The following PPM1D variants were observed in gnomAD, a reference collection of about 807,000 sequenced individuals.
PPM1D encodes the protein protein phosphatase, Mg2+/Mn2+ dependent 1D, also known as protein phosphatase 1D.
In PPM1D, 52 loss-of-function variants were observed where a neutral mutation model predicts 58.3. The observed-to-expected ratio is 0.89, with a 90% CI of 0.71 to 1.12. The LOEUF is 1.12. Among genes scored for constraint, PPM1D ranks in the 50% most tolerant of loss-of-function variants. The probability of loss-of-function intolerance (pLI) is 0.00; values close to 1 mark genes in which losing one functional copy is unlikely to be tolerated. For synonymous variants in PPM1D, 278 were observed against 285.1 expected, an observed-to-expected ratio of 0.98 and a Z score of 0.25; for missense variants, 564 against 777.2, an observed-to-expected ratio of 0.73 and a Z score of 3.26.
chr17:60,653,785 T>G (rs34384451), intron 4 of PPM1D, among the ~76,000 whole-genome samples: 55 of 152,346 alleles, frequency 3.6e-4, no homozygotes, highest in Middle Eastern at 6.8e-3. Context: ...TTATAATTTG[T>G]GTACCTATTG....
At chr17:60,606,023 C>T (rs558715851) in intron 1 of PPM1D, among the ~76,000 whole-genome samples, 26 of 152,324 alleles carry the variant, frequency 1.7e-4, no homozygotes, top group African/African-American at 6.3e-4. Flanking sequence ...AAAACTTCAT[C>T]AGCCCAAATA....
chr17:60,652,345 C>T (rs2031359367), intron 4 of PPM1D, among the ~76,000 whole-genome samples: 1 of 152,074 alleles, frequency 6.6e-6, no homozygotes, highest in African/African-American at 2.4e-5. Context: ...AATACTATTT[C>T]ATTGTGTATG....
chr17:60,656,446 C>G (rs543987262), intron 4 of PPM1D, among the ~76,000 whole-genome samples, 153 bp from the exon 5 acceptor site: 1 of 142,554 alleles, frequency 7.0e-6, no homozygotes, highest in East Asian at 2.0e-4. Context: ...GAGGAAGACT[C>G]TGTCTCAAAA....
At chr17:60,607,275 G>GTTTGT (rs2030350528) in intron 1 of PPM1D, among the ~76,000 whole-genome samples, 1 of 151,558 alleles carries the variant, frequency 6.6e-6, no homozygotes, top group Admixed American at 6.6e-5. Flanking sequence ...AAGTTTTTTT[G>GTTTGT]TTTGTTTTGT....
intron 2 of PPM1D, among the ~76,000 whole-genome samples, chr17:60,627,055 A>G (rs1318310906): frequency 6.6e-6 from 1 of 152,046 alleles, no homozygotes; most frequent in Non-Finnish European, 1.5e-5. Flanking sequence ...TGAATTTTAG[A>G]TATTGTTTCC....
chr17:60,648,735 T>C (rs1212419408), intron 4 of PPM1D, among the ~76,000 whole-genome samples: 2 of 151,078 alleles, frequency 1.3e-5, no homozygotes, highest in South Asian at 2.1e-4. Flanking sequence ...GTTCACAAAG[T>C]TGTACAACCA....
At chr17:60,614,453 A>G (rs2030537716) in intron 1 of PPM1D, among the ~76,000 whole-genome samples, 1 of 152,194 alleles carries the variant, frequency 6.6e-6, no homozygotes, top group Admixed American at 6.5e-5. Context: ...CACCCTGTCA[A>G]AACGGACCAA....
At chr17:60,613,831 G>A (rs970983325) in intron 1 of PPM1D, among the ~76,000 whole-genome samples, 4 of 152,130 alleles carry the variant, frequency 2.6e-5, no homozygotes, top group African/African-American at 7.2e-5. Context: ...ATTTCTCGCC[G>A]GGCCTTAGCT....
At chr17:60,653,987 CTT>C (rs538757521) in intron 4 of PPM1D, among the ~76,000 whole-genome samples, 19 of 152,172 alleles carry the variant, frequency 1.2e-4, no homozygotes, top group Non-Finnish European at 2.4e-4. Context: ...GCTCATTTGA[CTT>C]ATTCGTTTCC....
rs1298969912 is a variant in PPM1D, at chr17:60,600,222, T to C, written c.-193T>C. ...CGCAGGCGCAACTGCCTGGCTCTGC[T>C]CGCTCCGGCGCTCCGGCCCAGCTCT... On this transcript the variant is annotated 5_prime_UTR_variant, in exon 1 of 6. Coordinates refer to ENST00000305921, the MANE Select transcript of PPM1D (RefSeq NM_003620.4). 12 of 1,164,138 alleles carry C rather than the reference T, an allele frequency of 1.0e-5. No homozygotes were observed. The highest frequency in any genetic ancestry group is 8.2e-5 in the East Asian group (3 of 36,628). 72.1% of individuals were successfully genotyped at this position (1,164,138 alleles called of 1,614,324 possible).
At chr17:60,636,352 T>G (rs1265140381) in intron 3 of PPM1D, among the ~76,000 whole-genome samples, 1 of 152,238 alleles carries the variant, frequency 6.6e-6, no homozygotes, top group African/African-American at 2.4e-5. Flanking sequence ...ACCTGCTATG[T>G]GCTAGGTACT....
intron 1 of PPM1D, among the ~76,000 whole-genome samples, chr17:60,616,750 G>A (rs1389989197): frequency 6.6e-6 from 1 of 152,202 alleles, no homozygotes; most frequent in Admixed American, 6.5e-5. Context: ...AATAGGGAAA[G>A]TATGAATTAG....
chr17:60,643,210 T>C (rs905963982), intron 3 of PPM1D, among the ~76,000 whole-genome samples: 5 of 151,770 alleles, frequency 3.3e-5, no homozygotes, highest in African/African-American at 1.2e-4. Context: ...CGAAACCCCA[T>C]CTGTAGAAAA....
At chr17:60,656,485 T>C (rs1393225995) in intron 4 of PPM1D, 114 bp from the exon 5 acceptor site, 2 of 1,307,488 alleles carry the variant, frequency 1.5e-6, no homozygotes, top group Non-Finnish European at 1.0e-6. Flanking sequence ...AAAAAAAAAA[T>C]TGGGAGCTTT....
At chr17:60,617,199 C>T (rs185437489) in intron 1 of PPM1D, among the ~76,000 whole-genome samples, 129 of 150,620 alleles carry the variant, frequency 8.6e-4, no homozygotes, top group Non-Finnish European at 1.7e-3. Context: ...CTCAAGTGGT[C>T]CTCCTGCCTT....
chr17:60,631,272 A>G (rs2030914876), intron 2 of PPM1D, among the ~76,000 whole-genome samples: 1 of 152,056 alleles, frequency 6.6e-6, no homozygotes, highest in African/African-American at 2.4e-5. Flanking sequence ...GTGAGCCACG[A>G]TCACACCACT....
chr17:60,645,604 A>G (rs2031233151), intron 3 of PPM1D, among the ~76,000 whole-genome samples: 1 of 139,876 alleles, frequency 7.1e-6, no homozygotes, highest in Non-Finnish European at 1.5e-5. Flanking sequence ...ATATGTATAT[A>G]TATGTGTGTA....
intron 5 of PPM1D, among the ~76,000 whole-genome samples, chr17:60,660,154 G>A (rs1293664321): frequency 6.6e-6 from 1 of 152,154 alleles, no homozygotes; most frequent in Non-Finnish European, 1.5e-5. Context: ...TGGCCAACAT[G>A]GTGAAATCCT....
intron 3 of PPM1D, 46 bp from the exon 4 acceptor site, chr17:60,647,846 T>C: frequency 6.6e-7 from 1 of 1,523,472 alleles, no homozygotes; most frequent in South Asian, 1.1e-5. Context: ...GTTGTACTAT[T>C]AGCTTCCAAC....
Sources: allele counts gnomAD v4.1 joint callset (sites outside exome capture counted in the v4.1 genomes callset), GRCh38; gene constraint gnomAD v4.1.1; transcripts MANE v1.5; gene names NCBI Gene and HGNC (gene_info 2026-07-23, HGNC 2026-07-21).